CACNA1S: variants seen among roughly 807,000 people sequenced by gnomAD.
CACNA1S encodes the protein calcium voltage-gated channel subunit alpha1 S.
Under a neutral mutation model 207.4 loss-of-function variants are expected in CACNA1S, and 126 were observed. The observed-to-expected ratio is 0.61, with a 90% CI of 0.53 to 0.70. The LOEUF (loss-of-function observed/expected upper bound fraction) is 0.70. Among genes scored for constraint, CACNA1S ranks in the 30% least tolerant of loss-of-function variants. CACNA1S has a pLI of 0.00. For synonymous variants in CACNA1S, 960 were observed against 932.7 expected (o/e 1.03, Z -0.53); for missense variants, 2,349 against 2,422.8 (o/e 0.97, Z 0.64).
intron 39 of CACNA1S, 140 bp from the exon 40 acceptor site, chr1:201,043,671 T>A (rs1440793891): frequency 2.1e-5 from 16 of 764,632 alleles, no homozygotes; most frequent in Non-Finnish European, 3.2e-5. Flanking sequence ...ATGGACTGAG[T>A]GGTGAGATCA....
chr1:201,049,099 C>A lies in CACNA1S; in HGVS notation c.4242G>T (p.Lys1414Asn). The change falls in exon 35 of 44, where the codon AAG becomes AAT. Residue 1414 changes from lysine to asparagine, a missense_variant and splice_region_variant. Transcript: ENST00000362061. ...CCACGTCCAGGTGTTTGATTCTCCCCCTGCGGGAGGACACACAGACTTGTG... is the reference window on the plus strand; with the variant it reads ...CCACGTCCAGGTGTTTGATTCTCCCACTGCGGGAGGACACACAGACTTGTG... ...AIWAEYDPEA[K>N]GRIKHLDVVT... 1 of 1,606,948 alleles carries A rather than the reference C, an allele frequency of 6.2e-7. No homozygotes were observed. The highest frequency in any genetic ancestry group is 2.2e-5 in the East Asian group (1 of 44,636).
chr1:201,093,743 T>G (rs372683424), intron 3 of CACNA1S, 139 bp downstream of exon 3: 2 of 1,084,772 alleles, frequency 1.8e-6, no homozygotes, highest in African/African-American at 1.5e-5. Context: ...TGGGCCGGCC[T>G]CTAACAGAGG....
At chr1:201,054,371 G>C in intron 29 of CACNA1S, 134 bp downstream of exon 29, 1 of 904,344 alleles carries the variant, frequency 1.1e-6, no homozygotes, top group East Asian at 2.5e-5. Context: ...TGGGTCCTCA[G>C]CAGGGCCTGC....
Position 201,079,927 on chromosome 1 carries a change from G to GTAAC in CACNA1S, c.1394-1824_1394-1823insGTTA, listed in dbSNP as rs964192017. On this transcript the variant is annotated intron_variant, in intron 10 of 43. Coordinates refer to ENST00000362061, the MANE Select transcript of CACNA1S (RefSeq NM_000069.3). ...ATTTAGTGCTTCTTTCTTTGGAATC[G>GTAAC]CAACCAACCCTATCTCAAGACTGTT... Among the ~76,000 whole-genome samples the GTAAC allele has an allele frequency of 9.5e-4, 145 of 152,218 alleles. 1 individual carries two copies. Among genetic ancestry groups the GTAAC allele is most frequent in the African/African-American group, 3.4e-3 (140 of 41,512 alleles).
rs547268416 is a variant in CACNA1S at position 201,072,384 on chromosome 1, C to A, written c.2227+371G>T. Among the ~76,000 whole-genome samples, 9 of 152,230 alleles carry A rather than the reference C, an allele frequency of 5.9e-5. No individual in the cohort carries two copies. The South Asian group carries it at 1.9e-3, about 32-fold the overall frequency. On this transcript the variant is annotated intron_variant, in intron 16 of 43. Transcript: ENST00000362061. Reference sequence around the variant, plus strand: ...GGATAGTGAGTAATCTGCCTCATCACGACATATATGGGCGTGTCCTCATTT... The same window carrying A: ...GGATAGTGAGTAATCTGCCTCATCAAGACATATATGGGCGTGTCCTCATTT...
chr1:201,066,352 C>T lies in CACNA1S; in HGVS notation c.2658-36G>A. 1 of 1,565,822 alleles carries T rather than the reference C, an allele frequency of 6.4e-7. No homozygotes were observed. Reference sequence around the variant, plus strand: ...GCAATGGTGAGGGGGCTGAGGGCAGCCTGCTCCAGCCAGCCCAGTCTGCGG... The same window carrying T: ...GCAATGGTGAGGGGGCTGAGGGCAGTCTGCTCCAGCCAGCCCAGTCTGCGG... On this transcript the variant is annotated intron_variant, in intron 20 of 43. Transcript: ENST00000362061. The surrounding 1 kb of genome is among the most constrained non-coding windows in gnomAD (Gnocchi z 4.3).
rs1445375338 is a variant in CACNA1S at position 201,053,620 on chromosome 1, G to T, written c.3667-33C>A. 1.2e-6 allele frequency: 2 copies of T among 1,612,440 alleles called. No homozygotes were observed. The highest frequency in any genetic ancestry group is 2.7e-5 in the African/African-American group (2 of 74,834). Reference sequence around the variant, plus strand: ...GCAGCAGCCCCAGAGGTCAGTCTGGGGGCAGAACCTCAGAGGGGTAAGGGG... The same window carrying T: ...GCAGCAGCCCCAGAGGTCAGTCTGGTGGCAGAACCTCAGAGGGGTAAGGGG... On this transcript the variant is annotated intron_variant, in intron 29 of 43. Coordinates refer to ENST00000362061, the MANE Select transcript of CACNA1S (RefSeq NM_000069.3). The surrounding 1 kb of genome is among the most constrained non-coding windows in gnomAD (Gnocchi z 5.1).
Position 201,044,410 on chromosome 1 carries a change from C to T in CACNA1S, c.4715G>A (p.Arg1572His), listed in dbSNP as rs775493864. Residue 1572 changes from arginine (R) to histidine (H), a missense_variant, in exon 39 of 44, where the codon CGC (arginine) becomes CAC (histidine). Physicochemically the swap from Arg to His is conservative, Grantham distance 29. Coordinates refer to ENST00000362061, the MANE Select transcript of CACNA1S (RefSeq NM_000069.3). The stretch of plus-strand genomic sequence containing the variant: ...AGCAGCCAGGTCTCCTGAGACCGTG[C>T]GACAGATCTCGGGGGCTGCCTCTTC... ...IEEEAAPEIC[R>H]TVSGDLAAEE... The T allele has an allele frequency of 5.0e-6, 8 of 1,613,416 alleles. No homozygotes were observed. The highest frequency in any genetic ancestry group is 4.5e-5 in the East Asian group (2 of 44,878).
intron 10 of CACNA1S, among the ~76,000 whole-genome samples, chr1:201,078,456 TC>T (rs1280761330): frequency 1.5e-5 from 2 of 135,686 alleles, no homozygotes; most frequent in Admixed American, 1.7e-4. Flanking sequence ...GGCCTCAGCC[TC>T]CCAAAATGCT....
chr1:201,107,282 C>T (rs189122600), intron 2 of CACNA1S, among the ~76,000 whole-genome samples: 341 of 152,350 alleles, frequency 2.2e-3, no homozygotes, highest in Admixed American at 3.9e-3. Flanking sequence ...TGTGAGCTGT[C>T]CCTGTCCTCA....
intron 17 of CACNA1S, among the ~76,000 whole-genome samples, 169 bp from the exon 18 acceptor site, chr1:201,069,770 C>T (rs1247294175): frequency 6.6e-6 from 1 of 152,138 alleles, no homozygotes; most frequent in East Asian, 1.9e-4. Flanking sequence ...ACACAGGGGG[C>T]CCTGACCTCT....
At chr1:201,071,136 AC>A (rs1433155373) in intron 16 of CACNA1S, among the ~76,000 whole-genome samples, 4 of 152,012 alleles carry the variant, frequency 2.6e-5, no homozygotes, top group African/African-American at 9.7e-5. Flanking sequence ...CGGTGGGGGC[AC>A]TATTCAAAGC....
At position 201,066,205 on chromosome 1, in the gene CACNA1S, G is replaced by T; in HGVS notation, c.2745+24C>A. The T allele has an allele frequency of 1.9e-6, 3 of 1,608,098 alleles. No homozygotes were observed. Among genetic ancestry groups the T allele is most frequent in the Non-Finnish European group, 2.6e-6 (3 of 1,174,732 alleles). ...GTAACCCCTCCCATTCCTCTCTGGG[G>T]CTCCTGCCCGGGCCCTCTCTCACCT... On this transcript the variant is annotated intron_variant, in intron 21 of 43. Transcript: ENST00000362061. The surrounding 1 kb of genome is among the most constrained non-coding windows in gnomAD (Gnocchi z 4.3).
rs775329170 is a variant in CACNA1S, at chr1:201,083,306, A to G, written c.1249T>C (p.Trp417Arg). 2.5e-6 allele frequency: 4 copies of G among 1,614,192 alleles called. No homozygotes were observed. The highest frequency in any genetic ancestry group is 3.4e-6 in the Non-Finnish European group (4 of 1,180,022). The change falls in exon 10 of 44, where the codon TGG becomes CGG. Residue 417 changes from tryptophan to arginine, a missense_variant. Coordinates refer to ENST00000362061, the MANE Select transcript of CACNA1S (RefSeq NM_000069.3). Reference sequence around the variant, plus strand: ...CACTTCCAGCGAAAGATGCGGTTCCACTGCCTCCAATGTCGGCTGAGGGAG... The same window carrying G: ...CACTTCCAGCGAAAGATGCGGTTCCGCTGCCTCCAATGTCGGCTGAGGGAG... Reference protein sequence around the residue: ...IIQFIRHWRQWNRIFRWKCHD... With the variant: ...IIQFIRHWRQRNRIFRWKCHD...
intron 32 of CACNA1S, 69 bp from the exon 33 acceptor site, chr1:201,051,212 G>A: frequency 1.9e-6 from 3 of 1,552,212 alleles, no homozygotes; most frequent in Non-Finnish European, 2.7e-6. Flanking sequence ...TGGCAGTCAG[G>A]TGGCAGCAGG....
Position 201,085,435 on chromosome 1 carries a change from C to T in CACNA1S, c.1150+1G>A. ...GCTGACCACAGCCTTTGGGCCCAAACCTTCTCTGAAGTCCTCAACATCCAT... is the reference window on the plus strand; with the variant it reads ...GCTGACCACAGCCTTTGGGCCCAAATCTTCTCTGAAGTCCTCAACATCCAT... On this transcript the variant is annotated splice_donor_variant, in intron 8 of 43. Transcript: ENST00000362061. LOFTEE classifies it high-confidence loss of function. 1 of 1,613,720 alleles carries T rather than the reference C, an allele frequency of 6.2e-7. No homozygotes were observed. Among genetic ancestry groups the T allele is most frequent in the Non-Finnish European group, 8.5e-7 (1 of 1,179,982 alleles).
chr1:201,074,538 C>T lies in CACNA1S; in HGVS notation c.2031G>A (p.Lys677=). Residue 677 remains lysine, a synonymous_variant, in exon 14 of 44, where the codon AAG becomes AAA. Coordinates refer to ENST00000362061, the MANE Select transcript of CACNA1S (RefSeq NM_000069.3). The part of the protein sequence containing the change: ...AESLTSAQKA[K]AEEKKRRKMS... Reference sequence around the variant, plus strand: ...TCTTCCTGCGTTTTTTCTCCTCAGCCTTGGCCTTCTGGGCAGAAGTCAGGC... The same window carrying T: ...TCTTCCTGCGTTTTTTCTCCTCAGCTTTGGCCTTCTGGGCAGAAGTCAGGC... 2 of 1,613,900 alleles carry T rather than the reference C, an allele frequency of 1.2e-6. No individual in the cohort carries two copies. Among genetic ancestry groups the T allele is most frequent in the Non-Finnish European group, 1.7e-6 (2 of 1,179,800 alleles).
chr1:201,050,419 G>A lies in CACNA1S; in HGVS notation c.4211C>T (p.Ala1404Val). 1 of 1,614,082 alleles carries A rather than the reference G, an allele frequency of 6.2e-7. No individual in the cohort carries two copies. Among genetic ancestry groups the A allele is most frequent in the Admixed American group, 1.7e-5 (1 of 60,002 alleles). Residue 1404 changes from alanine (A) to valine (V), a missense_variant, in exon 34 of 44, where the codon GCC (alanine) becomes GTC (valine). Physicochemically the swap from Ala to Val is moderately conservative, Grantham distance 64. Coordinates refer to ENST00000362061, the MANE Select transcript of CACNA1S (RefSeq NM_000069.3). ...LGPHHLDEFKAIWAEYDPEAK... is the reference protein window; with the variant it reads ...LGPHHLDEFKVIWAEYDPEAK... ...CTCTGGGTCATACTCTGCCCAGATG[G>A]CCTTGAACTCATCCAGGTGATGAGG... is the stretch of plus-strand genomic sequence containing the variant.
At chr1:201,057,572 T>C (rs1660890981) in intron 28 of CACNA1S, among the ~76,000 whole-genome samples, 1 of 152,262 alleles carries the variant, frequency 6.6e-6, no homozygotes, top group Non-Finnish European at 1.5e-5. Flanking sequence ...ACTCAGTACA[T>C]ATTTGAGAAA....
Sources: gnomAD v4.1 joint callset for allele counts (sites outside exome capture counted in the v4.1 genomes callset) on GRCh38, gnomAD v4.1.1 for gene constraint, Gnocchi (gnomAD v3.1) non-coding constraint, MANE v1.5 for transcripts, NCBI Gene and HGNC (gene_info 2026-07-23, HGNC 2026-07-21) for gene names.